The following MLIP variants were observed in gnomAD, a reference collection of about 807,000 sequenced individuals.
The protein encoded by MLIP is muscular LMNA interacting protein.
MLIP carries 79 observed loss-of-function variants against 84.8 expected under a neutral mutation model. The observed-to-expected ratio is 0.93, with a 90% CI of 0.78 to 1.12. MLIP has a LOEUF of 1.12. Ranked by LOEUF, MLIP falls within the 50% of genes most tolerant of loss-of-function variation. MLIP has a pLI of 0.00. For missense variants in MLIP, 1,257 were observed against 1,160.6 expected, an observed-to-expected ratio of 1.08 and a Z score of -1.21; for synonymous variants, 504 against 463.0, an observed-to-expected ratio of 1.09 and a Z score of -1.14.
At chr6:54,165,224 T>C (rs1299225677) in intron 8 of MLIP, among the ~76,000 whole-genome samples, 3 of 151,888 alleles carry the variant, frequency 2.0e-5, no homozygotes, top group Non-Finnish European at 4.4e-5. Flanking sequence ...AGCGCCATAG[T>C]ATCAACCAGT....
rs543437941 is a variant in MLIP at position 54,033,810 on chromosome 6, A to G, written c.63+14719A>G. On this transcript the variant is annotated intron_variant, in intron 1 of 12. Transcript: ENST00000274897. The stretch of plus-strand genomic sequence containing the variant: ...AGTCAAAGATGACATTTACCTCATG[A>G]GGTCATTATTATTCTTCATTCTTGA... Among the ~76,000 whole-genome samples, 142 of 152,304 alleles carry G rather than the reference A, an allele frequency of 9.3e-4. 1 individual carries two copies. Among genetic ancestry groups the G allele is most frequent in the Admixed American group, 3.2e-3 (49 of 15,290 alleles).
chr6:54,232,304 T>C (rs1466376835), intron 12 of MLIP, among the ~76,000 whole-genome samples: 1 of 152,132 alleles, frequency 6.6e-6, no homozygotes, highest in Non-Finnish European at 1.5e-5. Context: ...TAGCTCATTG[T>C]TTTGATATTT....
intron 9 of MLIP, among the ~76,000 whole-genome samples, chr6:54,179,759 T>G (rs6905950): frequency 0.092 from 14,058 of 152,192 alleles, 827 homozygotes; most frequent in East Asian, 0.21. Flanking sequence ...CTTATTATAC[T>G]ATGTCTTAGA....
At chr6:54,109,912 T>TCCTTCCTTC, upstream of MLIP, among the ~76,000 whole-genome samples, 14 of 103,350 alleles carry the variant, frequency 1.4e-4, no homozygotes, top group Non-Finnish European at 2.7e-4. Context: ...TCTTTCTTTT[T>TCCTTCCTTC]CTTTCTTTCT....
chr6:54,187,879 C>T (rs1263155706), intron 9 of MLIP, among the ~76,000 whole-genome samples: 1 of 152,066 alleles, frequency 6.6e-6, no homozygotes, highest in South Asian at 2.1e-4. Context: ...TGGCAGCACG[C>T]GCCTGTACTC....
intron 1 of MLIP, among the ~76,000 whole-genome samples, chr6:54,101,416 CTTAAT>C (rs3996981): frequency 0.38 from 57,163 of 151,528 alleles, 11,063 homozygotes; most frequent in African/African-American, 0.46. Context: ...TTATATGTCA[CTTAAT>C]TTAATTTTTA....
At chr6:54,029,360 G>C (rs1191850565) in intron 1 of MLIP, 1 of 152,244 alleles carries the variant, frequency 6.6e-6, no homozygotes. Context: ...GGGCTTGAGG[G>C]AATGAGTTCA....
At chr6:54,177,501 T>C (rs1437340569) in intron 9 of MLIP, among the ~76,000 whole-genome samples, 1 of 152,148 alleles carries the variant, frequency 6.6e-6, no homozygotes, top group Non-Finnish European at 1.5e-5. Context: ...AGATACCATC[T>C]CACACCAGTC....
At chr6:54,194,087 A>C (rs1778127096) in intron 10 of MLIP, among the ~76,000 whole-genome samples, 1 of 152,234 alleles carries the variant, frequency 6.6e-6, no homozygotes, top group Non-Finnish European at 1.5e-5. Flanking sequence ...TCACATGGCT[A>C]TATACAGGTA....
At chr6:54,242,493 A>AT (rs895668020) in intron 12 of MLIP, among the ~76,000 whole-genome samples, 5 of 151,832 alleles carry the variant, frequency 3.3e-5, no homozygotes, top group Non-Finnish European at 7.4e-5. Flanking sequence ...GCATGGGTTG[A>AT]TTTTTTTTGG....
intron 3 of MLIP, among the ~76,000 whole-genome samples, chr6:54,129,344 C>T (rs751300618): frequency 1.6e-4 from 25 of 152,140 alleles, no homozygotes; most frequent in Middle Eastern, 6.3e-3. Flanking sequence ...ATTTTTCTCA[C>T]TTCTGCTTCC....
At chr6:54,022,393 G>C (rs1172169076) in intron 1 of MLIP, among the ~76,000 whole-genome samples, 1 of 152,170 alleles carries the variant, frequency 6.6e-6, no homozygotes, top group East Asian at 1.9e-4. Context: ...CATATCTTAG[G>C]AAATGACCTG....
intron 1 of MLIP, among the ~76,000 whole-genome samples, chr6:54,075,171 G>A (rs139866439): frequency 8.0e-5 from 12 of 150,672 alleles, no homozygotes; most frequent in East Asian, 2.0e-4. Flanking sequence ...CGCTTGAACC[G>A]GGGAGGCAGA....
At chr6:54,086,313 C>T (rs1176252048) in intron 1 of MLIP, among the ~76,000 whole-genome samples, 3 of 152,156 alleles carry the variant, frequency 2.0e-5, no homozygotes, top group Non-Finnish European at 4.4e-5. Flanking sequence ...ACTTGAATGT[C>T]TAAAAGACCC....
chr6:54,022,125 G>A (rs1005095336), intron 1 of MLIP, among the ~76,000 whole-genome samples: 1 of 152,120 alleles, frequency 6.6e-6, no homozygotes, highest in African/African-American at 2.4e-5. Context: ...CTGTTCCTGG[G>A]AATTCTGATT....
chr6:54,148,965 G>A (rs949953600), intron 4 of MLIP, 91 bp from the exon 5 acceptor site: 22 of 993,906 alleles, frequency 2.2e-5, no homozygotes, highest in Admixed American at 1.6e-4. Flanking sequence ...ATTTGATAAC[G>A]TATCATTTAA....
intron 1 of MLIP, chr6:54,046,679 A>G (rs764130113): frequency 2.6e-5 from 4 of 152,174 alleles, no homozygotes; most frequent in Admixed American, 6.5e-5. Context: ...GAGTTCTTCA[A>G]ATACTATCAT....
chr6:54,114,495 C>T (rs79463840), intron 1 of MLIP, among the ~76,000 whole-genome samples: 168 of 152,294 alleles, frequency 1.1e-3, no homozygotes, highest in Admixed American at 2.5e-3. Flanking sequence ...TATTCCACTT[C>T]CAATTTTTCA....
intron 9 of MLIP, among the ~76,000 whole-genome samples, chr6:54,176,279 TG>T (rs1215751228): frequency 2.0e-5 from 3 of 151,698 alleles, no homozygotes; most frequent in Non-Finnish European, 2.9e-5. Context: ...CTCCTTTGTT[TG>T]TTTGTTTTTT....
Sources: gnomAD v4.1 joint callset for allele counts (sites outside exome capture counted in the v4.1 genomes callset) on GRCh38, gnomAD v4.1.1 for gene constraint, MANE v1.5 for transcripts, NCBI Gene and HGNC (gene_info 2026-07-23, HGNC 2026-07-21) for gene names.